Variants in TAOK3 observed in about 807,000 individuals in gnomAD.
The protein encoded by TAOK3 is serine/threonine-protein kinase TAO3.
A neutral mutation model predicts 120.4 loss-of-function variants in TAOK3; 40 were observed. That is an observed-to-expected ratio of 0.33 (90% CI 0.26 to 0.43). TAOK3 has a LOEUF of 0.43. Ranked by LOEUF, TAOK3 falls within the 20% of genes least tolerant of loss-of-function variation. The pLI is 1.00. For missense variants in TAOK3, 821 were observed against 1,112.1 expected, an observed-to-expected ratio of 0.74 and a Z score of 3.72; for synonymous variants, 355 against 387.5, an observed-to-expected ratio of 0.92 and a Z score of 0.99.
intron 1 of TAOK3, among the ~76,000 whole-genome samples, chr12:118,335,274 A>G (rs949460567): frequency 2.0e-5 from 3 of 152,162 alleles, no homozygotes; most frequent in Non-Finnish European, 4.4e-5. Flanking sequence ...ATAAATCACT[A>G]ATATCAGAAG....
intron 19 of TAOK3, chr12:118,159,915 C>G (rs1239286005): frequency 3.9e-5 from 22 of 566,102 alleles, no homozygotes; most frequent in Non-Finnish European, 6.3e-5. Context: ...CCCTATGTGC[C>G]ACAGGTCTGA....
chr12:118,313,017 C>G (rs1259900020), intron 1 of TAOK3, among the ~76,000 whole-genome samples: 1 of 152,104 alleles, frequency 6.6e-6, no homozygotes. Context: ...AACCCAAAAT[C>G]CCTAACACTA....
chr12:118,218,503 A>G (rs1474841185), intron 9 of TAOK3, among the ~76,000 whole-genome samples: 1 of 152,170 alleles, frequency 6.6e-6, no homozygotes, highest in African/African-American at 2.4e-5. Context: ...TCTCTAGATT[A>G]CTTATGATAT....
chr12:118,245,435 G>A lies in TAOK3; in HGVS notation c.121-470C>T, dbSNP rs576282209. ...GGGTTCAAGCTATTCTCCTGCTTCAGCCTCTCAAGTAACTGCGGATTATAG... is the reference window on the plus strand; with the variant it reads ...GGGTTCAAGCTATTCTCCTGCTTCAACCTCTCAAGTAACTGCGGATTATAG... On this transcript the variant is annotated intron_variant, in intron 3 of 20. Transcript: ENST00000392533. Among the ~76,000 whole-genome samples, 7 of 152,110 alleles carry A rather than the reference G, an allele frequency of 4.6e-5. No individual in the cohort carries two copies. In the East Asian group the frequency reaches 1.4e-3, roughly 29 times the overall value.
chr12:118,234,212 A>ATTTTTTTTTTTTTTTTTTTTTTTTTTTTT lies in TAOK3; in HGVS notation c.552-476_552-448dup, dbSNP rs763473530. ...TTAAAGTAATTAAATAAAGCAGGAA[A>ATTTTTTTTTTTTTTTTTTTTTTTTTTTTT]TTTTTTTTTTTTTTTTTTTTTTTTT... On this transcript the variant is annotated intron_variant, in intron 8 of 20. Coordinates refer to ENST00000392533, the MANE Select transcript of TAOK3 (RefSeq NM_016281.4). 4.5e-4 allele frequency among the ~76,000 whole-genome samples: 26 copies of ATTTTTTTTTTTTTTTTTTTTTTTTTTTTT among 58,340 alleles called. 4 individuals are homozygous for ATTTTTTTTTTTTTTTTTTTTTTTTTTTTT. Among genetic ancestry groups the ATTTTTTTTTTTTTTTTTTTTTTTTTTTTT allele is most frequent in the African/African-American group, 5.6e-4 (8 of 14,394 alleles). The allele number at this position is 58,340 out of a possible 152,430, so 38.3% of individuals were successfully genotyped here.
In TAOK3 at chr12:118,307,224, C is replaced by G. The variant is rs554670678; in HGVS notation, c.-193-40465G>C. The stretch of plus-strand genomic sequence containing the variant: ...GAATCAACCTTCCCGCCTCCTCTTC[C>G]CCCCCCCATCTCTGGAGTCCTCATA... On this transcript the variant is annotated intron_variant, in intron 1 of 20. Coordinates refer to ENST00000392533, the MANE Select transcript of TAOK3 (RefSeq NM_016281.4). Among the ~76,000 whole-genome samples the G allele has an allele frequency of 3.4e-5, 5 of 145,314 alleles. No homozygotes were observed. In the South Asian group the frequency reaches 8.4e-4, roughly 24 times the overall value.
Position 118,181,416 on chromosome 12 carries a change from C to A in TAOK3, c.1521G>T (p.Glu507Asp). The part of the protein sequence containing the change: ...VETHANNSSI[E>D]LEKLAKKQVA... ...CTTGCTTCTTGGCCAGCTTCTCCAG[C>A]TCGATGGACGAGTTGTTGGCATGCG... Residue 507 changes from glutamate (E) to aspartate (D), a missense_variant, in exon 15 of 21, where the codon GAG becomes GAT. Glu to Asp is a conservative substitution (Grantham distance 45, BLOSUM62 2). Coordinates refer to ENST00000392533, the MANE Select transcript of TAOK3 (RefSeq NM_016281.4). 6.2e-7 allele frequency: 1 copy of A among 1,614,150 alleles called. No homozygotes were observed. Among genetic ancestry groups the A allele is most frequent in the Non-Finnish European group, 8.5e-7 (1 of 1,180,000 alleles).
At position 118,213,966 on chromosome 12, in the gene TAOK3, A is replaced by T. The variant is rs79881287; in HGVS notation, c.737+51T>A. ...TAAAATGTAATGTAATAAAAATGTCAAATACATACGGTGATTTTCTTAGAG... is the reference window on the plus strand; with the variant it reads ...TAAAATGTAATGTAATAAAAATGTCTAATACATACGGTGATTTTCTTAGAG... On this transcript the variant is annotated intron_variant, in intron 10 of 20. Transcript: ENST00000392533. 6,046 of 1,465,050 alleles carry T rather than the reference A, an allele frequency of 4.1e-3. 220 individuals are homozygous for T. In the African/African-American group the frequency reaches 0.073, roughly 18 times the overall value. 90.8% of individuals were successfully genotyped at this position (1,465,050 alleles called of 1,614,324 possible). A position where few individuals can be genotyped will look rare whatever the true frequency, so the allele number is the denominator to read the frequency against.
chr12:118,300,583 G>T (rs934049864), intron 1 of TAOK3, among the ~76,000 whole-genome samples: 3 of 151,812 alleles, frequency 2.0e-5, no homozygotes, highest in Admixed American at 1.3e-4. Context: ...ACACATGCAC[G>T]CACACACACT....
intron 14 of TAOK3, among the ~76,000 whole-genome samples, chr12:118,188,711 A>C (rs183567956): frequency 3.3e-4 from 50 of 152,344 alleles, no homozygotes; most frequent in Admixed American, 1.6e-3. Context: ...ATAGGACAAG[A>C]AAAATGATCA....
At position 118,150,295 on chromosome 12, in the gene TAOK3, T is replaced by A. The variant is rs1344527297; in HGVS notation, c.*702A>T. On this transcript the variant is annotated 3_prime_UTR_variant, in exon 21 of 21. Coordinates refer to ENST00000392533, the MANE Select transcript of TAOK3 (RefSeq NM_016281.4). ...ATCCTCTGCAACAGCAGAAAATGAT[T>A]ATGATACAATCAGAATATGCTGAAG... is the stretch of plus-strand genomic sequence containing the variant. 2.0e-5 allele frequency: 3 copies of A among 152,624 alleles called. No homozygotes were observed. The highest frequency in any genetic ancestry group is 7.2e-5 in the African/African-American group (3 of 41,452). The allele number at this position is 152,624 out of a possible 1,614,324, so 9.5% of individuals were successfully genotyped here.
chr12:118,181,230 A>G, intron 15 of TAOK3, 141 bp downstream of exon 15: 1 of 683,774 alleles, frequency 1.5e-6, no homozygotes, highest in South Asian at 1.7e-5. Context: ...ATAGCCCTAT[A>G]AAATCTAGAA....
At chr12:118,277,640 T>C (rs1416253257) in intron 1 of TAOK3, among the ~76,000 whole-genome samples, 1 of 151,984 alleles carries the variant, frequency 6.6e-6, no homozygotes, top group African/African-American at 2.4e-5. Context: ...TTTGAATTTT[T>C]AGTAGAGACA....
intron 1 of TAOK3, among the ~76,000 whole-genome samples, chr12:118,279,009 G>A (rs565906774): frequency 3.0e-4 from 45 of 152,066 alleles, no homozygotes; most frequent in Non-Finnish European, 5.9e-4. Flanking sequence ...GTTTCACCAT[G>A]TTAGCCAGGT....
intron 1 of TAOK3, among the ~76,000 whole-genome samples, chr12:118,335,630 A>G (rs2044337387): frequency 6.6e-6 from 1 of 152,130 alleles, no homozygotes; most frequent in African/African-American, 2.4e-5. Flanking sequence ...CAGGAGTTCA[A>G]GACTAGTCTG....
At chr12:118,347,572 C>A (rs1034833653) in intron 1 of TAOK3, among the ~76,000 whole-genome samples, 1 of 152,180 alleles carries the variant, frequency 6.6e-6, no homozygotes, top group South Asian at 2.1e-4. Flanking sequence ...AACCTCTATG[C>A]CGCATCTCCT....
intron 1 of TAOK3, among the ~76,000 whole-genome samples, chr12:118,268,683 C>T (rs2041563688): frequency 6.6e-6 from 1 of 152,184 alleles, no homozygotes; most frequent in South Asian, 2.1e-4. Flanking sequence ...TTCCTTATGA[C>T]ATCATATGAA....
chr12:118,195,165 C>T (rs1272269242), intron 13 of TAOK3, among the ~76,000 whole-genome samples: 1 of 151,556 alleles, frequency 6.6e-6, no homozygotes, highest in Non-Finnish European at 1.5e-5. Context: ...AGAAAGGGAC[C>T]CTTATGACTG....
At chr12:118,184,448 T>G (rs1246954299) in intron 14 of TAOK3, among the ~76,000 whole-genome samples, 1 of 152,204 alleles carries the variant, frequency 6.6e-6, no homozygotes, top group South Asian at 2.1e-4. Flanking sequence ...TAAAAAATAA[T>G]AGCTGATAAC....
Sources: gnomAD v4.1 joint callset for allele counts (sites outside exome capture counted in the v4.1 genomes callset) on GRCh38, gnomAD v4.1.1 for gene constraint, MANE v1.5 for transcripts, NCBI Gene and HGNC (gene_info 2026-07-23, HGNC 2026-07-21) for gene names.